The following COL5A1 variants were observed in gnomAD, a reference collection of about 807,000 sequenced individuals.
COL5A1 encodes the protein collagen type V alpha 1 chain.
COL5A1 carries 16 observed loss-of-function variants against 263.7 expected under a neutral mutation model. The observed-to-expected ratio is 0.06, with a 90% CI of 0.04 to 0.09. The LOEUF is 0.09. Ranked by LOEUF, COL5A1 falls within the 10% of genes least tolerant of loss-of-function variation. COL5A1 has a pLI of 1.00. For missense variants in COL5A1, 2,036 were observed against 2,540.5 expected, an observed-to-expected ratio of 0.80 and a Z score of 4.27; for synonymous variants, 1,012 against 1,004.5, an observed-to-expected ratio of 1.01 and a Z score of -0.14.
chr9:134,646,383 C>G (rs1261707033), intron 1 of COL5A1, among the ~76,000 whole-genome samples: 1 of 152,168 alleles, frequency 6.6e-6, no homozygotes, highest in Non-Finnish European at 1.5e-5. Context: ...TCTTCTCCTT[C>G]CTTTTATTGC....
intron 65 of COL5A1, among the ~76,000 whole-genome samples, chr9:134,837,847 T>C (rs1168117411): frequency 6.6e-6 from 1 of 152,108 alleles, no homozygotes; most frequent in Non-Finnish European, 1.5e-5. Flanking sequence ...ACGCAAAACC[T>C]GAGGCCCAGA....
rs1564480835 is a variant in COL5A1 at position 134,818,609 on chromosome 9, TG to T, written c.4231-45del. On this transcript the variant is annotated intron_variant, in intron 54 of 65. Coordinates refer to ENST00000371817, the MANE Select transcript of COL5A1 (RefSeq NM_000093.5). The surrounding 1 kb of genome is among the most constrained non-coding windows in gnomAD (Gnocchi z 6.0). ...AGCAGTGGTCCTGGGCCAGGGTGCC[TG>T]GAGCCTAGAGCTCCGGACCTCATTC... 6.9e-7 allele frequency: 1 copy of T among 1,439,068 alleles called. No homozygotes were observed. The highest frequency in any genetic ancestry group is 1.8e-5 in the Admixed American group (1 of 55,396). 89.1% of individuals were successfully genotyped at this position (1,439,068 alleles called of 1,614,324 possible).
At chr9:134,820,776 G>A (rs902199468) in intron 58 of COL5A1, among the ~76,000 whole-genome samples, 22 of 152,188 alleles carry the variant, frequency 1.4e-4, no homozygotes, top group African/African-American at 5.1e-4. Flanking sequence ...GGAGGGTGAC[G>A]TGTGCCATGG....
At chr9:134,784,920 C>T (rs1381684824) in intron 29 of COL5A1, 69 bp from the exon 30 acceptor site, 2 of 1,327,482 alleles carry the variant, frequency 1.5e-6, no homozygotes, top group Non-Finnish European at 2.2e-6. Context: ...TCCTTGCTCT[C>T]AGAATGGTGG....
chr9:134,642,110 C>G lies in COL5A1; in HGVS notation c.-78C>G. On this transcript the variant is annotated 5_prime_UTR_variant, in exon 1 of 66. Transcript: ENST00000371817. The surrounding 1 kb of genome is among the most constrained non-coding windows in gnomAD (Gnocchi z 4.5). ...TGCGGTCCCTGCTGAGTGCGCTGCCCGGGCCGTGACCCGCGCCCCTGTGCG... is the reference window on the plus strand; with the variant it reads ...TGCGGTCCCTGCTGAGTGCGCTGCCGGGGCCGTGACCCGCGCCCCTGTGCG... 8.4e-7 allele frequency: 1 copy of G among 1,190,650 alleles called. No individual in the cohort carries two copies. The highest frequency in any genetic ancestry group is 1.1e-6 in the Non-Finnish European group (1 of 951,470). 73.8% of individuals were successfully genotyped at this position (1,190,650 alleles called of 1,614,324 possible). A position where few individuals can be genotyped will look rare whatever the true frequency, so the allele number is the denominator to read the frequency against.
At chr9:134,810,071 C>T (rs1838459857) in intron 43 of COL5A1, among the ~76,000 whole-genome samples, 184 bp from the exon 44 acceptor site, 1 of 152,234 alleles carries the variant, frequency 6.6e-6, no homozygotes, top group South Asian at 2.1e-4. Context: ...GACCTCGTCC[C>T]TTTTAGCCCT....
chr9:134,673,709 G>C (rs1832608855), intron 1 of COL5A1, among the ~76,000 whole-genome samples: 2 of 152,160 alleles, frequency 1.3e-5, no homozygotes, highest in South Asian at 2.1e-4. Flanking sequence ...AGATTAAAAA[G>C]CTGATAAATC....
In COL5A1 at chr9:134,727,070, T is replaced by TGGATGGATGGATGGAC. The variant is rs139171326; in HGVS notation, c.655-186_655-185insATGGACGGATGGATGG. Among the ~76,000 whole-genome samples the TGGATGGATGGATGGAC allele has an allele frequency of 1.7e-3, 258 of 151,368 alleles. 3 individuals are homozygous for TGGATGGATGGATGGAC. Among genetic ancestry groups the TGGATGGATGGATGGAC allele is most frequent in the South Asian group, 8.2e-3 (39 of 4,768 alleles). On this transcript the variant is annotated intron_variant, in intron 4 of 65. Transcript: ENST00000371817. ...ACGGATGGATGGATGGATGGATGGA[T>TGGATGGATGGATGGAC]GGATGGATGGGCCAGCCTAGCTTGA...
At chr9:134,671,000 T>C (rs1401480066) in intron 1 of COL5A1, among the ~76,000 whole-genome samples, 5 of 152,180 alleles carry the variant, frequency 3.3e-5, no homozygotes, top group Non-Finnish European at 5.9e-5. Flanking sequence ...GAGGTGGGCC[T>C]GGGCTGCTGT....
intron 58 of COL5A1, among the ~76,000 whole-genome samples, chr9:134,820,524 C>CA (rs1448687108): frequency 1.3e-5 from 2 of 152,208 alleles, no homozygotes; most frequent in Non-Finnish European, 2.9e-5. Context: ...CTGCCTGGTT[C>CA]CCAGCCCTGT....
rs1836013479 is a variant in COL5A1, at chr9:134,757,275, T to G, written c.1881+457T>G. On this transcript the variant is annotated intron_variant, in intron 17 of 65. Transcript: ENST00000371817. This position sits in a 1 kb window ranked among gnomAD's most constrained non-coding sequence, Gnocchi z 6.2. ...GCACCAGGCATGCACCAGCTGTTGC[T>G]GTCGCCACTCATGCCTGCCCGCTGC... 6.6e-6 allele frequency among the ~76,000 whole-genome samples: 1 copy of G among 152,152 alleles called. No individual in the cohort carries two copies. Among genetic ancestry groups the G allele is most frequent in the South Asian group, 2.1e-4 (1 of 4,832 alleles).
chr9:134,743,490 G>C (rs989775480), intron 11 of COL5A1, among the ~76,000 whole-genome samples: 1 of 152,146 alleles, frequency 6.6e-6, no homozygotes, highest in Non-Finnish European at 1.5e-5. Flanking sequence ...CCACCTGCTG[G>C]GGGGCCTGGA....
Position 134,782,720 on chromosome 9 carries a change from G to A in COL5A1, c.2484G>A (p.Arg828=). The change falls in exon 29 of 66, where the codon CGG becomes CGA. Residue 828 remains arginine (R), a splice_region_variant and synonymous_variant. Coordinates refer to ENST00000371817, the MANE Select transcript of COL5A1 (RefSeq NM_000093.5). The part of the protein sequence containing the change: ...FKGDMGIKGD[R]GEIGPPGPRG... ...GAGACATGGGCATCAAGGGTGATCGGGTGAGCATCTCAGGTTTGGGATTTG... is the reference window on the plus strand; with the variant it reads ...GAGACATGGGCATCAAGGGTGATCGAGTGAGCATCTCAGGTTTGGGATTTG... The A allele has an allele frequency of 1.9e-6, 3 of 1,614,050 alleles. No homozygotes were observed. The highest frequency in any genetic ancestry group is 2.5e-6 in the Non-Finnish European group (3 of 1,180,000).
intron 26 of COL5A1, among the ~76,000 whole-genome samples, chr9:134,773,228 G>T (rs1044025605): frequency 1.3e-5 from 2 of 152,204 alleles, no homozygotes; most frequent in Non-Finnish European, 2.9e-5. Context: ...AGGTCACGCC[G>T]GTGCCAGGGA....
In COL5A1 at chr9:134,731,476, G is replaced by A. The variant is rs770284648; in HGVS notation, c.1165-20G>A. On this transcript the variant is annotated intron_variant, in intron 7 of 65. Coordinates refer to ENST00000371817, the MANE Select transcript of COL5A1 (RefSeq NM_000093.5). Reference sequence around the variant, plus strand: ...TGGTGCGTTTGCGAGGCAACCCTGCGCCTTCCTCTCCCTCTGCAGCCAGCT... The same window carrying A: ...TGGTGCGTTTGCGAGGCAACCCTGCACCTTCCTCTCCCTCTGCAGCCAGCT... 27 of 1,613,564 alleles carry A rather than the reference G, an allele frequency of 1.7e-5. No homozygotes were observed. The highest frequency in any genetic ancestry group is 1.6e-4 in the Middle Eastern group (1 of 6,084).
At chr9:134,739,864 G>A (rs893762029) in intron 11 of COL5A1, among the ~76,000 whole-genome samples, 1 of 152,192 alleles carries the variant, frequency 6.6e-6, no homozygotes, top group African/African-American at 2.4e-5. Context: ...AGCCAGTGGG[G>A]ATGCTTGCTT....
intron 1 of COL5A1, among the ~76,000 whole-genome samples, chr9:134,671,787 G>C (rs917130732): frequency 1.3e-5 from 2 of 152,190 alleles, no homozygotes; most frequent in African/African-American, 4.8e-5. Flanking sequence ...CATCTCCCGG[G>C]GCCAATTTCC....
At chr9:134,760,528 C>T (rs1285161532) in intron 18 of COL5A1, among the ~76,000 whole-genome samples, 29 of 131,114 alleles carry the variant, frequency 2.2e-4, no homozygotes, top group Non-Finnish European at 1.3e-4. Flanking sequence ...CCACACACCC[C>T]CACACTCATA....
At chr9:134,826,914 G>A (rs1033111624) in intron 63 of COL5A1, among the ~76,000 whole-genome samples, 20 of 152,172 alleles carry the variant, frequency 1.3e-4, no homozygotes, top group Non-Finnish European at 2.5e-4. Flanking sequence ...GTAGACGGGC[G>A]TGTGTTGCTA....
Sources: gnomAD v4.1 joint callset for allele counts (sites outside exome capture counted in the v4.1 genomes callset) on GRCh38, gnomAD v4.1.1 for gene constraint, Gnocchi (gnomAD v3.1) non-coding constraint, MANE v1.5 for transcripts, NCBI Gene and HGNC (gene_info 2026-07-23, HGNC 2026-07-21) for gene names.